SLC6A11: variants seen among roughly 807,000 people sequenced by gnomAD.
SLC6A11 encodes the protein sodium- and chloride-dependent GABA transporter 3.
Under a neutral mutation model 74.8 loss-of-function variants are expected in SLC6A11, and 25 were observed. The observed-to-expected ratio is 0.33, with a 90% confidence interval of 0.24 to 0.47. SLC6A11 has a LOEUF of 0.47. Among genes scored for constraint, SLC6A11 ranks in the 20% least tolerant of loss-of-function variants. The pLI is 1.00. For synonymous variants in SLC6A11, 330 were observed against 330.2 expected (o/e 1.00, Z 0.01); for missense variants, 574 against 837.0 (o/e 0.69, Z 3.88).
intron 3 of SLC6A11, among the ~76,000 whole-genome samples, chr3:10,821,610 T>C (rs1694139004): frequency 6.6e-6 from 1 of 152,244 alleles, no homozygotes; most frequent in Non-Finnish European, 1.5e-5. Context: ...AATAGCATTA[T>C]CCTATGCATC....
At chr3:10,899,019 C>G (rs1423945201) in intron 6 of SLC6A11, among the ~76,000 whole-genome samples, 2 of 152,134 alleles carry the variant, frequency 1.3e-5, no homozygotes, top group Non-Finnish European at 2.9e-5. Context: ...CAGGTTTCCC[C>G]TTATCAAACC....
At chr3:10,852,222 A>G (rs916570323) in intron 5 of SLC6A11, among the ~76,000 whole-genome samples, 5 of 152,248 alleles carry the variant, frequency 3.3e-5, no homozygotes, top group Non-Finnish European at 7.3e-5. Flanking sequence ...GCATTCAGAG[A>G]GGAAACTAGA....
intron 6 of SLC6A11, among the ~76,000 whole-genome samples, chr3:10,909,793 T>C: frequency 6.6e-6 from 1 of 152,196 alleles, no homozygotes; most frequent in Non-Finnish European, 1.5e-5. Context: ...TCCACTGAGG[T>C]AGCAAATGGG....
chr3:10,837,050 G>A (rs1386290560), intron 4 of SLC6A11, among the ~76,000 whole-genome samples: 1 of 152,192 alleles, frequency 6.6e-6, no homozygotes, highest in African/African-American at 2.4e-5. Context: ...ACACAGTGAG[G>A]TGCTCACTTG....
chr3:10,876,323 C>G (rs993034443), intron 6 of SLC6A11, among the ~76,000 whole-genome samples: 1 of 152,222 alleles, frequency 6.6e-6, no homozygotes, highest in Non-Finnish European at 1.5e-5. Flanking sequence ...AGGAAATTAG[C>G]TTCAACTGTT....
intron 6 of SLC6A11, among the ~76,000 whole-genome samples, chr3:10,901,071 C>T (rs1204249335): frequency 1.3e-5 from 2 of 152,312 alleles, no homozygotes; most frequent in East Asian, 1.9e-4. Context: ...AGAGCCTCCC[C>T]TTTAAGGAAC....
chr3:10,837,373 G>A (rs1185177722), intron 4 of SLC6A11, among the ~76,000 whole-genome samples: 1 of 152,084 alleles, frequency 6.6e-6, no homozygotes, highest in Admixed American at 6.5e-5. Flanking sequence ...TGCACTCCCT[G>A]GCTCCCCAGG....
chr3:10,840,779 ATG>A (rs1694427534), intron 4 of SLC6A11, among the ~76,000 whole-genome samples: 1 of 152,126 alleles, frequency 6.6e-6, no homozygotes, highest in Non-Finnish European at 1.5e-5. Flanking sequence ...CTTGCTGAGG[ATG>A]TGAGTTTGGG....
At chr3:10,882,766 A>G (rs1694997296) in intron 6 of SLC6A11, among the ~76,000 whole-genome samples, 1 of 152,142 alleles carries the variant, frequency 6.6e-6, no homozygotes, top group Admixed American at 6.5e-5. Flanking sequence ...AGGAAATGGG[A>G]GTCACTCTGC....
At position 10,935,064 on chromosome 3, in the gene SLC6A11, A is replaced by G. The variant is rs41308279; in HGVS notation, c.1611A>G (p.Pro537=). The G allele has an allele frequency of 6.2e-7, 1 of 1,613,278 alleles. No individual in the cohort carries two copies. The highest frequency in any genetic ancestry group is 2.2e-5 in the East Asian group (1 of 44,790). ...TCTTCTTCTTGATCAAGTACAAGCCACTCAAGTACAACAACATCTACACCT... is the reference window on the plus strand; with the variant it reads ...TCTTCTTCTTGATCAAGTACAAGCCGCTCAAGTACAACAACATCTACACCT... The part of the protein sequence containing the change: ...IFIFFLIKYK[P]LKYNNIYTYP... Residue 537 remains proline, a synonymous_variant, in exon 13 of 14, where the codon CCA becomes CCG. Transcript: ENST00000254488.
chr3:10,866,237 C>T (rs1694761356), intron 5 of SLC6A11, among the ~76,000 whole-genome samples: 1 of 152,188 alleles, frequency 6.6e-6, no homozygotes, highest in South Asian at 2.1e-4. Context: ...ACAGCCCTTC[C>T]CTTTAAGGAC....
chr3:10,903,674 C>T (rs923810547), intron 6 of SLC6A11, among the ~76,000 whole-genome samples: 1 of 152,132 alleles, frequency 6.6e-6, no homozygotes, highest in Non-Finnish European at 1.5e-5. Flanking sequence ...CTGGAATATC[C>T]TGGGAGGGAA....
Position 10,918,416 on chromosome 3 carries a change from C to T in SLC6A11, c.1083C>T (p.Tyr361=), listed in dbSNP as rs144421280. ...TCTCAGTCCTGGGTTTTATGGCGTA[C>T]GAGCAGGGGGTACCCATTGCTGAGG... ...AIFSVLGFMA[Y]EQGVPIAEVA... is the part of the protein sequence containing the mutation. The change falls in exon 8 of 14, where the codon TAC becomes TAT. Residue 361 remains tyrosine (Y), a synonymous_variant. Coordinates refer to ENST00000254488, the MANE Select transcript of SLC6A11 (RefSeq NM_014229.3). The surrounding 1 kb of genome is among the most constrained non-coding windows in gnomAD (Gnocchi z 4.5). The T allele has an allele frequency of 4.7e-5, 76 of 1,606,414 alleles. No individual in the cohort carries two copies. In the East Asian group the frequency reaches 6.3e-4, roughly 13 times the overall value.
chr3:10,822,622 T>A (rs563953710), intron 3 of SLC6A11, among the ~76,000 whole-genome samples: 5 of 152,134 alleles, frequency 3.3e-5, no homozygotes, highest in African/African-American at 9.6e-5. Flanking sequence ...CTCCTGGAGA[T>A]GGGGTTAAGG....
intron 8 of SLC6A11, 55 bp from the exon 9 acceptor site, chr3:10,925,949 A>G (rs1036853911): frequency 8.4e-6 from 8 of 951,320 alleles, no homozygotes; most frequent in East Asian, 2.4e-5. Context: ...TAAAATAGCA[A>G]TGATATGAGG....
intron 8 of SLC6A11, among the ~76,000 whole-genome samples, chr3:10,925,677 T>C (rs1372004344): frequency 6.6e-6 from 1 of 152,176 alleles, no homozygotes; most frequent in Non-Finnish European, 1.5e-5. Context: ...CCTGAGAATC[T>C]GCATTTTAAC....
intron 6 of SLC6A11, among the ~76,000 whole-genome samples, chr3:10,907,713 C>G (rs1270208939): frequency 6.6e-6 from 1 of 152,154 alleles, no homozygotes; most frequent in Non-Finnish European, 1.5e-5. Flanking sequence ...GGCAACTAAG[C>G]AATATATTCC....
chr3:10,828,060 T>G (rs186624126), intron 4 of SLC6A11, among the ~76,000 whole-genome samples: 49 of 152,316 alleles, frequency 3.2e-4, no homozygotes, highest in African/African-American at 1.1e-3. Context: ...CGTGCATTTA[T>G]CTAAATGTGT....
intron 6 of SLC6A11, among the ~76,000 whole-genome samples, chr3:10,879,077 G>A (rs1211858847): frequency 6.6e-6 from 1 of 152,118 alleles, no homozygotes; most frequent in Non-Finnish European, 1.5e-5. Context: ...GTACACAGTA[G>A]GTGTTCCTTA....
Sources: gnomAD v4.1 joint callset for allele counts (sites outside exome capture counted in the v4.1 genomes callset) on GRCh38, gnomAD v4.1.1 for gene constraint, Gnocchi (gnomAD v3.1) non-coding constraint, MANE v1.5 for transcripts, NCBI Gene and HGNC (gene_info 2026-07-23, HGNC 2026-07-21) for gene names.